Variants in KCNQ2 observed in about 807,000 individuals in gnomAD.
The protein encoded by KCNQ2 is potassium voltage-gated channel subfamily KQT member 2.
KCNQ2 carries 14 observed loss-of-function variants against 84.8 expected under a neutral mutation model. The observed-to-expected ratio is 0.17, with a 90% CI of 0.11 to 0.26. KCNQ2 has a LOEUF of 0.26. KCNQ2 is among the 10% of genes least tolerant of loss of function. The pLI is 1.00. For missense variants in KCNQ2, 788 were observed against 1,254.0 expected (o/e 0.63, Z 5.61); for synonymous variants, 599 against 554.1 (o/e 1.08, Z -1.14).
At chr20:63,458,086 G>A (rs1451710381) in intron 1 of KCNQ2, among the ~76,000 whole-genome samples, 4 of 144,988 alleles carry the variant, frequency 2.8e-5, no homozygotes, top group East Asian at 2.3e-4. Flanking sequence ...GTCCTGGCCC[G>A]CCCTCCCCGA....
chr20:63,438,563 T>C lies in KCNQ2; in HGVS notation c.1023+62A>G. ...ATGCCAAAGCCCCAGCGGCCTCCAC[T>C]CCTCAACAAGGTGGGACCAGGACAA... On this transcript the variant is annotated intron_variant, in intron 7 of 16. Transcript: ENST00000359125. This position sits in a 1 kb window ranked among gnomAD's most constrained non-coding sequence, Gnocchi z 5.1. 7.0e-7 allele frequency: 1 copy of C among 1,436,938 alleles called. No homozygotes were observed. The highest frequency in any genetic ancestry group is 1.4e-5 in the African/African-American group (1 of 71,514). The allele number at this position is 1,436,938 out of a possible 1,614,324, so 89.0% of individuals were successfully genotyped here.
chr20:63,433,952 C>CCCT, intron 7 of KCNQ2, 49 bp from the exon 8 acceptor site: 1 of 1,566,106 alleles, frequency 6.4e-7, no homozygotes, highest in Non-Finnish European at 8.8e-7. Context: ...CGGCGAGGGG[C>CCCT]GCGCCCAGGA....
chr20:63,447,029 C>T (rs879353353), intron 1 of KCNQ2, among the ~76,000 whole-genome samples, 192 bp from the exon 2 acceptor site: 2 of 151,794 alleles, frequency 1.3e-5, no homozygotes, highest in Non-Finnish European at 2.9e-5. Context: ...ACCCCCATAG[C>T]CACCTCCCGG....
At chr20:63,466,049 C>G (rs1179546801) in intron 1 of KCNQ2, among the ~76,000 whole-genome samples, 1 of 152,182 alleles carries the variant, frequency 6.6e-6, no homozygotes, top group Non-Finnish European at 1.5e-5. Context: ...AAAACCTGCC[C>G]ACAGTGGTTT....
At chr20:63,454,782 G>A (rs1000091281) in intron 1 of KCNQ2, among the ~76,000 whole-genome samples, 12 of 152,382 alleles carry the variant, frequency 7.9e-5, no homozygotes, top group Admixed American at 2.6e-4. Context: ...CTCGGGAGAG[G>A]AGGCTCCCCG....
Position 63,408,321 on chromosome 20 carries a change from G to T in KCNQ2, c.1887+92C>A. The T allele has an allele frequency of 6.6e-7, 1 of 1,518,938 alleles. No homozygotes were observed. The highest frequency in any genetic ancestry group is 9.0e-7 in the Non-Finnish European group (1 of 1,114,624). The allele number at this position is 1,518,938 out of a possible 1,614,324, so 94.1% of individuals were successfully genotyped here. A position where few individuals can be genotyped will look rare whatever the true frequency, so the allele number is the denominator to read the frequency against. The stretch of plus-strand genomic sequence containing the variant: ...ACCCTAGACTTGAGGAGCCCTCCGT[G>T]GCACCCAGCCCCTGAAGCCCACACT... On this transcript the variant is annotated intron_variant, in intron 16 of 16. Coordinates refer to ENST00000359125, the MANE Select transcript of KCNQ2 (RefSeq NM_172107.4). This position sits in a 1 kb window ranked among gnomAD's most constrained non-coding sequence, Gnocchi z 5.0.
chr20:63,443,159 C>T (rs1318893086), intron 4 of KCNQ2, among the ~76,000 whole-genome samples: 1,333 of 100,542 alleles, frequency 0.013, 43 homozygotes, highest in Non-Finnish European at 0.019. Flanking sequence ...ATCACCGGCG[C>T]CACCACCATC....
chr20:63,415,453 G>A (rs182914380), intron 12 of KCNQ2, among the ~76,000 whole-genome samples: 14 of 90,076 alleles, frequency 1.6e-4, no homozygotes, highest in African/African-American at 3.7e-4. Context: ...GGGAGGCCAC[G>A]GGGACCGAGC....
intron 11 of KCNQ2, among the ~76,000 whole-genome samples, chr20:63,421,414 C>A (rs1013787590): frequency 3.9e-5 from 6 of 152,184 alleles, no homozygotes; most frequent in Admixed American, 3.3e-4. Flanking sequence ...GCGCTGCAGG[C>A]ACAGCCCCCC....
At chr20:63,436,702 G>C (rs1048611947) in intron 7 of KCNQ2, among the ~76,000 whole-genome samples, 6 of 151,926 alleles carry the variant, frequency 3.9e-5, no homozygotes, top group African/African-American at 1.5e-4. Flanking sequence ...GTGAAAGTAC[G>C]TGCAGTGTTT....
chr20:63,413,710 C>T (rs2080197503), intron 14 of KCNQ2, 129 bp from the exon 15 acceptor site: 1 of 1,032,118 alleles, frequency 9.7e-7, no homozygotes. Context: ...TGTCTGCCGC[C>T]CACCAGCTCC....
chr20:63,432,430 T>A (rs796253130), intron 8 of KCNQ2, among the ~76,000 whole-genome samples: 198 of 79,660 alleles, frequency 2.5e-3, no homozygotes, highest in Admixed American at 5.6e-3. Flanking sequence ...GGCCCCACCC[T>A]CAGGGAAGGA....
chr20:63,426,954 C>G (rs2080651341), intron 10 of KCNQ2, among the ~76,000 whole-genome samples: 2 of 152,264 alleles, frequency 1.3e-5, no homozygotes, highest in Non-Finnish European at 2.9e-5. Context: ...GGCACAGTGG[C>G]TCACGCCTGT....
rs1601550292 is a variant in KCNQ2, at chr20:63,408,745, C to T, written c.1764-209G>A. Among the ~76,000 whole-genome samples, 1 of 152,204 alleles carries T rather than the reference C, an allele frequency of 6.6e-6. No homozygotes were observed. Among genetic ancestry groups the T allele is most frequent in the Admixed American group, 6.5e-5 (1 of 15,290 alleles). The stretch of plus-strand genomic sequence containing the variant: ...GGCACCGTGAGGTTCTGCTCCTGCC[C>T]GCTCTGTCCCCAAGGGGCCTGGCAC... On this transcript the variant is annotated intron_variant, in intron 15 of 16. Transcript: ENST00000359125. The surrounding 1 kb of genome is among the most constrained non-coding windows in gnomAD (Gnocchi z 5.0).
rs2079817852 is a variant in KCNQ2, at chr20:63,401,945, G to C, written c.*4699C>G. 5.7e-6 allele frequency: 1 copy of C among 176,876 alleles called. No individual in the cohort carries two copies. The highest frequency in any genetic ancestry group is 1.2e-5 in the Non-Finnish European group (1 of 83,970). The allele number at this position is 176,876 out of a possible 1,614,324, so 11.0% of individuals were successfully genotyped here. A position where few individuals can be genotyped will look rare whatever the true frequency, so the allele number is the denominator to read the frequency against. On this transcript the variant is annotated 3_prime_UTR_variant, in exon 17 of 17. Transcript: ENST00000359125. ...GAGCCATCCCTCTCATACCACGTCT[G>C]CTGGGCACCCTCCACGGCAGGTCCA...
At chr20:63,419,340 G>A (rs1056896374) in intron 12 of KCNQ2, among the ~76,000 whole-genome samples, 10 of 152,208 alleles carry the variant, frequency 6.6e-5, no homozygotes, top group South Asian at 2.1e-4. Flanking sequence ...CAGGAGGCAC[G>A]GACGCCTTGC....
At chr20:63,443,361 T>TCACCATCATCAC (rs1568937400) in intron 4 of KCNQ2, among the ~76,000 whole-genome samples, 1 of 28,256 alleles carries the variant, frequency 3.5e-5, no homozygotes, top group Non-Finnish European at 8.5e-5. Flanking sequence ...ACCACCACCA[T>TCACCATCATCAC]CACCATCATC....
chr20:63,463,350 G>T (rs1051674063), intron 1 of KCNQ2, among the ~76,000 whole-genome samples: 2 of 152,100 alleles, frequency 1.3e-5, no homozygotes, highest in African/African-American at 4.8e-5. Flanking sequence ...CTCCTGCTCC[G>T]TCCTGGGGTG....
intron 11 of KCNQ2, chr20:63,423,829 G>A: frequency 5.3e-6 from 2 of 379,278 alleles, no homozygotes; most frequent in Admixed American, 4.2e-5. Context: ...CGGGCTATGT[G>A]CCTGCAGCTG....
Sources: gnomAD v4.1 joint callset for allele counts (sites outside exome capture counted in the v4.1 genomes callset) on GRCh38, gnomAD v4.1.1 for gene constraint, Gnocchi (gnomAD v3.1) non-coding constraint, MANE v1.5 for transcripts, NCBI Gene and HGNC (gene_info 2026-07-23, HGNC 2026-07-21) for gene names.